Variants in CS observed in about 807,000 individuals in gnomAD.
The protein encoded by CS is citrate synthase.
Under a neutral mutation model 61.4 loss-of-function variants are expected in CS, and 13 were observed. The observed-to-expected ratio is 0.21, with a 90% CI of 0.14 to 0.34. The LOEUF is 0.34. CS is among the 10% of genes least tolerant of loss of function. The pLI is 1.00. For synonymous variants in CS, 159 were observed against 215.2 expected, an observed-to-expected ratio of 0.74 and a Z score of 2.29; for missense variants, 278 against 573.4, an observed-to-expected ratio of 0.48 and a Z score of 5.26.
intron 6 of CS, 139 bp from the exon 7 acceptor site, chr12:56,276,334 G>A: frequency 3.0e-6 from 2 of 674,408 alleles, no homozygotes; most frequent in South Asian, 1.8e-5. Context: ...TATATATTGA[G>A]TATGTTTGAA....
intron 1 of CS, among the ~76,000 whole-genome samples, chr12:56,292,949 T>G (rs1873178307): frequency 6.7e-6 from 1 of 150,102 alleles, no homozygotes; most frequent in Non-Finnish European, 1.5e-5. Context: ...TTAATTAAAT[T>G]TATGTTCAAG....
intron 1 of CS, among the ~76,000 whole-genome samples, chr12:56,297,825 A>G (rs1008917820): frequency 1.3e-5 from 2 of 152,182 alleles, no homozygotes; most frequent in Non-Finnish European, 1.5e-5. Flanking sequence ...CTTACTAGCA[A>G]AAGTAAAATT....
chr12:56,293,735 A>T (rs1873206876), intron 1 of CS, among the ~76,000 whole-genome samples: 1 of 152,206 alleles, frequency 6.6e-6, no homozygotes, highest in South Asian at 2.1e-4. Context: ...ACTAAAAAAA[A>T]TTAGAAAACA....
At chr12:56,294,602 T>C (rs544627953) in intron 1 of CS, among the ~76,000 whole-genome samples, 1 of 151,600 alleles carries the variant, frequency 6.6e-6, no homozygotes, top group Admixed American at 6.6e-5. Flanking sequence ...ACAGAGTCTC[T>C]GTCACCCAGG....
intron 3 of CS, among the ~76,000 whole-genome samples, chr12:56,284,771 G>C (rs1196145343): frequency 3.4e-5 from 5 of 146,564 alleles, no homozygotes; most frequent in Admixed American, 1.4e-4. Flanking sequence ...TGGTGGTGCG[G>C]GCCTGTAATC....
intron 3 of CS, 94 bp downstream of exon 3, chr12:56,285,822 C>A: frequency 2.9e-6 from 3 of 1,018,188 alleles, no homozygotes; most frequent in Non-Finnish European, 3.1e-6. Context: ...GCCTATGGGA[C>A]AGAATGCTTT....
intron 2 of CS, 82 bp downstream of exon 2, chr12:56,286,513 C>G: frequency 1.8e-6 from 2 of 1,131,022 alleles, no homozygotes; most frequent in Non-Finnish European, 2.7e-6. Context: ...TAATAAGAGG[C>G]CAGGTGGTTG....
At chr12:56,280,873 A>G (rs1405129914) in intron 6 of CS, among the ~76,000 whole-genome samples, 1 of 152,226 alleles carries the variant, frequency 6.6e-6, no homozygotes, top group Admixed American at 6.5e-5. Context: ...GTGAATGTGT[A>G]TATTTTGCAT....
At chr12:56,295,593 A>G (rs1178089875) in intron 1 of CS, among the ~76,000 whole-genome samples, 1 of 152,136 alleles carries the variant, frequency 6.6e-6, no homozygotes, top group Non-Finnish European at 1.5e-5. Context: ...AATAAAGAAT[A>G]TAGGATCTGT....
At chr12:56,285,596 CT>C (rs1317433823) in intron 3 of CS, among the ~76,000 whole-genome samples, 1 of 152,142 alleles carries the variant, frequency 6.6e-6, no homozygotes, top group South Asian at 2.1e-4. Context: ...TGTTTGATTC[CT>C]TTTCTTATTG....
At chr12:56,277,202 TAAA>T (rs5798367) in intron 6 of CS, among the ~76,000 whole-genome samples, 5 of 138,766 alleles carry the variant, frequency 3.6e-5, no homozygotes, top group Non-Finnish European at 6.2e-5. Flanking sequence ...AGACTCTGTC[TAAA>T]AAAAAAAAAA....
chr12:56,295,305 G>A (rs944458959), intron 1 of CS, among the ~76,000 whole-genome samples: 1 of 151,474 alleles, frequency 6.6e-6, no homozygotes, highest in African/African-American at 2.4e-5. Context: ...GGTGGATCAC[G>A]AGGTCAGGAG....
In CS at chr12:56,276,585, AGGCTGGAGTGCAAT is replaced by A. The variant is rs1872628096; in HGVS notation, c.589-404_589-391del. The stretch of plus-strand genomic sequence containing the variant: ...AGACAGAGTTTCACTCTTGTTGCCC[AGGCTGGAGTGCAAT>A]GGCGCAATCTTAGCTCACTGCAACC... On this transcript the variant is annotated intron_variant, in intron 6 of 10. Transcript: ENST00000351328. 2.6e-5 allele frequency among the ~76,000 whole-genome samples: 4 copies of A among 152,338 alleles called. No individual in the cohort carries two copies. In the South Asian group the frequency reaches 8.3e-4, roughly 32 times the overall value.
chr12:56,284,115 G>GT (rs1872857722), intron 3 of CS, among the ~76,000 whole-genome samples: 1 of 151,466 alleles, frequency 6.6e-6, no homozygotes, highest in Non-Finnish European at 1.5e-5. Flanking sequence ...GAGGTCAGGA[G>GT]TTTGAGACCA....
chr12:56,297,010 C>T (rs1452818869), intron 1 of CS, among the ~76,000 whole-genome samples: 1 of 152,108 alleles, frequency 6.6e-6, no homozygotes, highest in Non-Finnish European at 1.5e-5. Flanking sequence ...TGATGTTGTA[C>T]AGTGGTATAA....
intron 3 of CS, 65 bp downstream of exon 3, chr12:56,285,851 A>C: frequency 3.2e-6 from 4 of 1,262,322 alleles, no homozygotes; most frequent in Non-Finnish European, 4.6e-6. Context: ...CAGTGGAGAG[A>C]ATGTTACTTT....
In CS at chr12:56,286,027, A is replaced by C. The variant is rs1483261932; in HGVS notation, c.94-4T>G. ...CAGCCAATATGTCTTTCAAATTCTA[A>C]AAAGAAAAGTAGAAGGACTAAGCAA... On this transcript the variant is annotated splice_polypyrimidine_tract_variant and splice_region_variant and intron_variant, in intron 2 of 10. Coordinates refer to ENST00000351328, the MANE Select transcript of CS (RefSeq NM_004077.3). The C allele has an allele frequency of 6.2e-7, 1 of 1,607,100 alleles. No homozygotes were observed. Among genetic ancestry groups the C allele is most frequent in the Non-Finnish European group, 8.5e-7 (1 of 1,173,550 alleles).
rs1872547382 is a variant in CS, at chr12:56,272,827, A to G, written c.*257T>C. The G allele has an allele frequency of 5.9e-6, 2 of 338,912 alleles. No homozygotes were observed. Among genetic ancestry groups the G allele is most frequent in the Non-Finnish European group, 1.1e-5 (2 of 184,476 alleles). 21.0% of individuals were successfully genotyped at this position (338,912 alleles called of 1,614,324 possible). The stretch of plus-strand genomic sequence containing the variant: ...AGGGGGCCAAACCTACTCATACCAC[A>G]TGCATTAGTCCTGGTCATCCTCCAG... On this transcript the variant is annotated 3_prime_UTR_variant, in exon 11 of 11. Coordinates refer to ENST00000351328, the MANE Select transcript of CS (RefSeq NM_004077.3).
intron 8 of CS, 61 bp downstream of exon 8, chr12:56,274,941 T>C (rs918882618): frequency 6.2e-7 from 1 of 1,609,326 alleles, no homozygotes; most frequent in African/African-American, 1.3e-5. Flanking sequence ...AATGCCAAGA[T>C]CAGAAACAAA....
Sources: gnomAD v4.1 joint callset for allele counts (sites outside exome capture counted in the v4.1 genomes callset) on GRCh38, gnomAD v4.1.1 for gene constraint, MANE v1.5 for transcripts, NCBI Gene and HGNC (gene_info 2026-07-23, HGNC 2026-07-21) for gene names.